PSD3: variants seen among roughly 807,000 people sequenced by gnomAD.
PSD3 encodes PH and SEC7 domain-containing protein 3.
Under a neutral mutation model 105.5 loss-of-function variants are expected in PSD3, and 49 were observed. The ratio of observed to expected loss-of-function variants is 0.46; its 90% CI spans 0.37 to 0.59. The LOEUF (loss-of-function observed/expected upper bound fraction) is 0.59, where lower values mean the gene tolerates loss of function less well. PSD3 is among the 20% of genes least tolerant of loss of function. The pLI is 0.00. For missense variants in PSD3, 1,561 were observed against 1,263.8 expected, an observed-to-expected ratio of 1.24 and a Z score of -3.57; for synonymous variants, 557 against 457.8, an observed-to-expected ratio of 1.22 and a Z score of -2.77.
At chr8:18,785,862 C>T (rs1809094378) in intron 8 of PSD3, among the ~76,000 whole-genome samples, 1 of 152,112 alleles carries the variant, frequency 6.6e-6, no homozygotes, top group Non-Finnish European at 1.5e-5. Context: ...GAATGGCCAG[C>T]CTTTGGCGCA....
At chr8:19,053,339 C>T (rs745490426) in intron 1 of PSD3, among the ~76,000 whole-genome samples, 14 of 152,158 alleles carry the variant, frequency 9.2e-5, no homozygotes, top group Non-Finnish European at 1.9e-4. Context: ...TGCACACACC[C>T]ACTCCTCTCT....
chr8:18,808,505 C>T (rs943969034), intron 4 of PSD3, among the ~76,000 whole-genome samples: 4 of 152,162 alleles, frequency 2.6e-5, no homozygotes, highest in Admixed American at 6.5e-5. Flanking sequence ...GCTGCCCAGT[C>T]CAGATGATTT....
chr8:18,557,714 A>C (rs566787656), intron 14 of PSD3, among the ~76,000 whole-genome samples: 1 of 152,344 alleles, frequency 6.6e-6, no homozygotes, highest in South Asian at 2.1e-4. Context: ...AGGAGAAAAG[A>C]AACCTATTTT....
intron 9 of PSD3, among the ~76,000 whole-genome samples, chr8:18,743,121 A>G (rs1437125584): frequency 1.3e-5 from 2 of 152,216 alleles, no homozygotes; most frequent in African/African-American, 4.8e-5. Flanking sequence ...ACTGTATTGC[A>G]GGAACAAAGG....
At chr8:18,814,720 G>C (rs1200028292) in intron 4 of PSD3, among the ~76,000 whole-genome samples, 1 of 152,190 alleles carries the variant, frequency 6.6e-6, no homozygotes, top group Non-Finnish European at 1.5e-5. Context: ...CTTTGGGCAA[G>C]GTAGGATCAG....
At chr8:18,542,838 C>A (rs1329587860) in intron 15 of PSD3, among the ~76,000 whole-genome samples, 4 of 152,094 alleles carry the variant, frequency 2.6e-5, no homozygotes, top group African/African-American at 9.7e-5. Context: ...AAAATGCGTG[C>A]CTCAGGGTCA....
chr8:18,782,982 G>C (rs1234309520), intron 8 of PSD3, among the ~76,000 whole-genome samples: 3 of 152,200 alleles, frequency 2.0e-5, no homozygotes, highest in Non-Finnish European at 2.9e-5. Context: ...ATCATGACTT[G>C]TCTCATTTTG....
chr8:18,941,229 G>A (rs1359378827), intron 1 of PSD3, among the ~76,000 whole-genome samples: 1 of 152,224 alleles, frequency 6.6e-6, no homozygotes, highest in Non-Finnish European at 1.5e-5. Context: ...AACATTAGCA[G>A]CTGGACTGAT....
At position 18,862,934 on chromosome 8, in the gene PSD3, T is replaced by C. The variant is rs560125770; in HGVS notation, c.1634+4740A>G. ...ATCCCCACAAATATCAAATTCAGAGTGGGCTGAAGACAGACTGAAGCGCTT... is the reference window on the plus strand; with the variant it reads ...ATCCCCACAAATATCAAATTCAGAGCGGGCTGAAGACAGACTGAAGCGCTT... On this transcript the variant is annotated intron_variant, in intron 4 of 15. Coordinates refer to ENST00000327040, the MANE Select transcript of PSD3 (RefSeq NM_015310.4). 3.5e-3 allele frequency among the ~76,000 whole-genome samples: 505 copies of C among 146,140 alleles called. 3 individuals carry two copies. The highest frequency in any genetic ancestry group is 0.018 in the South Asian group (85 of 4,608).
chr8:18,986,637 C>T (rs1198392622), intron 1 of PSD3, among the ~76,000 whole-genome samples: 3 of 151,852 alleles, frequency 2.0e-5, no homozygotes, highest in African/African-American at 4.8e-5. Flanking sequence ...TTTCCTTATC[C>T]GGTCAGCAGA....
chr8:18,709,928 G>A (rs926828464), intron 9 of PSD3, among the ~76,000 whole-genome samples: 3 of 152,144 alleles, frequency 2.0e-5, no homozygotes, highest in African/African-American at 7.2e-5. Flanking sequence ...GAAATAGGGT[G>A]CCTCTTCTCC....
chr8:18,767,506 C>T (rs893845976), intron 8 of PSD3, among the ~76,000 whole-genome samples: 1 of 152,070 alleles, frequency 6.6e-6, no homozygotes, highest in African/African-American at 2.4e-5. Context: ...CCAGCACTTT[C>T]GGAGGCCGAG....
chr8:18,622,415 A>C (rs1806180624), intron 11 of PSD3, among the ~76,000 whole-genome samples: 1 of 152,180 alleles, frequency 6.6e-6, no homozygotes, highest in Non-Finnish European at 1.5e-5. Flanking sequence ...AATAGGCTGT[A>C]AACACACTCT....
In PSD3 at chr8:18,632,720, C is replaced by G; in HGVS notation, c.2303G>C (p.Gly768Ala). 1 of 1,609,408 alleles carries G rather than the reference C, an allele frequency of 6.2e-7. No individual in the cohort carries two copies. Among genetic ancestry groups the G allele is most frequent in the East Asian group, 2.2e-5 (1 of 44,808 alleles). ...GTHPKTISRI[G>A]STTNPFLDIP... Reference sequence around the variant, plus strand: ...GTCCAAAAATGGGTTAGTAGTACTTCCAATACGACTGATGGTCTTTGGATG... The same window carrying G: ...GTCCAAAAATGGGTTAGTAGTACTTGCAATACGACTGATGGTCTTTGGATG... The change falls in exon 11 of 16, where the codon GGA becomes GCA. Residue 768 changes from glycine (G) to alanine (A), a missense_variant. By Grantham distance (60) the Gly-to-Ala change is moderately conservative. Coordinates refer to ENST00000327040, the MANE Select transcript of PSD3 (RefSeq NM_015310.4).
chr8:19,044,382 T>C (rs1272036703), intron 1 of PSD3, among the ~76,000 whole-genome samples: 1 of 152,184 alleles, frequency 6.6e-6, no homozygotes, highest in Non-Finnish European at 1.5e-5. Context: ...GCCTGAGCTT[T>C]GGAGCGTCAG....
chr8:19,063,814 G>A (rs752364228), intron 1 of PSD3, among the ~76,000 whole-genome samples: 6 of 151,824 alleles, frequency 4.0e-5, no homozygotes, highest in East Asian at 1.9e-4. Flanking sequence ...CTTATAATCC[G>A]GCAATTTCCT....
rs151189241 is a variant in PSD3 at position 18,789,467 on chromosome 8, G to T, written c.2082+9828C>A. Among the ~76,000 whole-genome samples the T allele has an allele frequency of 1.6e-4, 25 of 152,182 alleles. No homozygotes were observed. In the East Asian group the frequency reaches 4.8e-3, roughly 29 times the overall value. On this transcript the variant is annotated intron_variant, in intron 8 of 15. Coordinates refer to ENST00000327040, the MANE Select transcript of PSD3 (RefSeq NM_015310.4). ...GTTATTCACTTAATGGGTTTTTAATGATTTAATGCAATTTAAAAATCTTAT... is the reference window on the plus strand; with the variant it reads ...GTTATTCACTTAATGGGTTTTTAATTATTTAATGCAATTTAAAAATCTTAT...
intron 2 of PSD3, among the ~76,000 whole-genome samples, chr8:18,922,614 T>C (rs1821093748): frequency 1.3e-5 from 2 of 152,076 alleles, no homozygotes; most frequent in Non-Finnish European, 2.9e-5. Flanking sequence ...CTCGAGACAG[T>C]ATTAGATCCC....
chr8:18,784,508 C>A (rs1435749698), intron 8 of PSD3, among the ~76,000 whole-genome samples: 3 of 152,108 alleles, frequency 2.0e-5, no homozygotes, highest in African/African-American at 4.8e-5. Context: ...AAGGGCTCAG[C>A]CCTACAAGAT....
Sources: allele counts gnomAD v4.1 joint callset (sites outside exome capture counted in the v4.1 genomes callset), GRCh38; gene constraint gnomAD v4.1.1; transcripts MANE v1.5; gene names NCBI Gene and HGNC (gene_info 2026-07-23, HGNC 2026-07-21).